Variants in CSMD2 observed in about 807,000 individuals in gnomAD.
CSMD2 encodes the protein CUB and Sushi multiple domains 2.
In CSMD2, 130 loss-of-function variants were observed where a neutral mutation model predicts 398.5. The ratio of observed to expected loss-of-function variants is 0.33; its 90% CI spans 0.28 to 0.38. The LOEUF (loss-of-function observed/expected upper bound fraction) is 0.38, where lower values mean the gene tolerates loss of function less well. CSMD2 is among the 10% of genes least tolerant of loss of function. The pLI, the probability that CSMD2 is intolerant of heterozygous loss-of-function variation, is 1.00. For synonymous variants in CSMD2, 1,828 were observed against 1,908.5 expected, an observed-to-expected ratio of 0.96 and a Z score of 1.10; for missense variants, 3,829 against 4,764.9, an observed-to-expected ratio of 0.80 and a Z score of 5.78.
At chr1:33,538,732 C>T (rs1380142986) in intron 60 of CSMD2, among the ~76,000 whole-genome samples, 1 of 152,090 alleles carries the variant, frequency 6.6e-6, no homozygotes, top group Non-Finnish European at 1.5e-5. Flanking sequence ...CAATGTGATG[C>T]CAATTAAAGT....
chr1:34,147,257 CAAAAAATA>C (rs796693759), intron 1 of CSMD2, among the ~76,000 whole-genome samples: 76 of 151,066 alleles, frequency 5.0e-4, no homozygotes, highest in Middle Eastern at 3.4e-3. Flanking sequence ...CACTCCATCT[CAAAAAATA>C]AAAAAATAAA....
At position 33,922,947 on chromosome 1, in the gene CSMD2, T is replaced by C. The variant is rs946047564; in HGVS notation, c.713-4646A>G. Among the ~76,000 whole-genome samples, 4 of 152,234 alleles carry C rather than the reference T, an allele frequency of 2.6e-5. No individual in the cohort carries two copies. In the South Asian group the frequency reaches 8.3e-4, roughly 32 times the overall value. ...AATTTTATTTTTAATTGACAATAAT[T>C]GTATGTCCTTATGGAATACACTGTG... On this transcript the variant is annotated intron_variant, in intron 4 of 70. Transcript: ENST00000373381.
intron 13 of CSMD2, among the ~76,000 whole-genome samples, chr1:33,758,988 T>C (rs1456389409): frequency 6.6e-6 from 1 of 152,188 alleles, no homozygotes; most frequent in East Asian, 1.9e-4. Flanking sequence ...ATATGAGTAA[T>C]AAATAAATAT....
intron 4 of CSMD2, among the ~76,000 whole-genome samples, chr1:33,924,598 C>CT (rs891718037): frequency 5.3e-5 from 8 of 152,062 alleles, no homozygotes; most frequent in Admixed American, 1.3e-4. Flanking sequence ...TATTTTTAGT[C>CT]TTTTGAGAAA....
At chr1:33,965,543 G>C (rs1394211299) in intron 3 of CSMD2, among the ~76,000 whole-genome samples, 1 of 152,160 alleles carries the variant, frequency 6.6e-6, no homozygotes, top group Non-Finnish European at 1.5e-5. Context: ...GTGCTATCAG[G>C]AAGTGCTCCA....
intron 1 of CSMD2, among the ~76,000 whole-genome samples, chr1:34,127,241 G>A (rs1248980370): frequency 6.6e-6 from 1 of 152,210 alleles, no homozygotes; most frequent in Non-Finnish European, 1.5e-5. Context: ...ACTGAGTATG[G>A]ACTATTTGAG....
chr1:34,128,831 A>C (rs1663019762), intron 1 of CSMD2, among the ~76,000 whole-genome samples: 1 of 152,050 alleles, frequency 6.6e-6, no homozygotes, highest in African/African-American at 2.4e-5. Context: ...GGGATGGGGG[A>C]GGTTCAAGGT....
intron 25 of CSMD2, among the ~76,000 whole-genome samples, chr1:33,675,058 G>C (rs1309165231): frequency 1.3e-5 from 2 of 152,002 alleles, no homozygotes; most frequent in African/African-American, 2.4e-5. Context: ...ACTAGAGAAG[G>C]AAGAGCAAAC....
chr1:33,570,166 CT>C (rs5773416), intron 51 of CSMD2, among the ~76,000 whole-genome samples: 46,041 of 116,926 alleles, frequency 0.39, 7,184 homozygotes, highest in Admixed American at 0.53. Flanking sequence ...CGGACATTGG[CT>C]TTTTTTTTTT....
At chr1:33,754,655 A>C (rs1041302545) in intron 13 of CSMD2, among the ~76,000 whole-genome samples, 1 of 152,242 alleles carries the variant, frequency 6.6e-6, no homozygotes, top group Non-Finnish European at 1.5e-5. Context: ...AAGTGTGTAC[A>C]AAGTTACAAG....
At chr1:33,602,903 T>C (rs1315390251) in intron 42 of CSMD2, among the ~76,000 whole-genome samples, 1 of 152,242 alleles carries the variant, frequency 6.6e-6, no homozygotes, top group African/African-American at 2.4e-5. Flanking sequence ...AGAGCTGCAG[T>C]GCTTTTGCTG....
chr1:33,925,313 T>G (rs1644089097), intron 4 of CSMD2, among the ~76,000 whole-genome samples: 1 of 152,180 alleles, frequency 6.6e-6, no homozygotes, highest in South Asian at 2.1e-4. Flanking sequence ...GTCCTTCCCC[T>G]AATGCATGTT....
At chr1:33,684,914 G>A (rs1645018527) in intron 25 of CSMD2, among the ~76,000 whole-genome samples, 1 of 152,238 alleles carries the variant, frequency 6.6e-6, no homozygotes, top group Non-Finnish European at 1.5e-5. Context: ...AGCAGAAACT[G>A]TGGGTTGGAT....
chr1:34,157,767 C>G (rs1640943032), intron 1 of CSMD2, among the ~76,000 whole-genome samples: 1 of 152,046 alleles, frequency 6.6e-6, no homozygotes. Context: ...CACCTTTGAT[C>G]CTACCCAACT....
At chr1:34,036,843 C>T (rs553642235) in intron 2 of CSMD2, among the ~76,000 whole-genome samples, 1 of 152,266 alleles carries the variant, frequency 6.6e-6, no homozygotes, top group East Asian at 1.9e-4. Flanking sequence ...TTGAGAATGC[C>T]TCCTGATTCC....
intron 13 of CSMD2, among the ~76,000 whole-genome samples, chr1:33,769,386 G>A (rs956783114): frequency 6.6e-6 from 1 of 152,210 alleles, no homozygotes; most frequent in Non-Finnish European, 1.5e-5. Context: ...TGGATGGAAA[G>A]TGGTATTACT....
chr1:33,863,231 T>A (rs1198125727), intron 5 of CSMD2: 1 of 152,162 alleles, frequency 6.6e-6, no homozygotes, highest in Non-Finnish European at 1.5e-5. Flanking sequence ...GAATGACACT[T>A]TTTCATCTTT....
chr1:33,761,364 T>C (rs905900743), intron 13 of CSMD2, among the ~76,000 whole-genome samples: 2 of 152,240 alleles, frequency 1.3e-5, no homozygotes, highest in African/African-American at 4.8e-5. Context: ...TAGCGTCCTA[T>C]TCTTCCTACA....
rs1249761940 is a variant in CSMD2, at chr1:33,580,904, G to A, written c.7241-5C>T. On this transcript the variant is annotated splice_region_variant and splice_polypyrimidine_tract_variant and intron_variant, in intron 47 of 70. Transcript: ENST00000373381. The stretch of plus-strand genomic sequence containing the variant: ...GAGGACTCTGTCCTGATGGACCTGG[G>A]GTGAGAAGGACGCAGGATTACAGAC... The A allele has an allele frequency of 6.2e-7, 1 of 1,613,940 alleles. No individual in the cohort carries two copies. Among genetic ancestry groups the A allele is most frequent in the Non-Finnish European group, 8.5e-7 (1 of 1,179,938 alleles).
Sources: allele counts gnomAD v4.1 joint callset (sites outside exome capture counted in the v4.1 genomes callset), GRCh38; gene constraint gnomAD v4.1.1; transcripts MANE v1.5; gene names NCBI Gene and HGNC (gene_info 2026-07-23, HGNC 2026-07-21).